The following APC variants were observed in gnomAD, a reference collection of about 807,000 sequenced individuals.
The protein encoded by APC is APC regulator of Wnt signaling pathway.
A neutral mutation model predicts 247.0 loss-of-function variants in APC; 72 were observed. The observed-to-expected ratio is 0.29, with a 90% confidence interval of 0.24 to 0.35. The LOEUF is 0.35. Among genes scored for constraint, APC ranks in the 10% least tolerant of loss-of-function variants. The pLI is 1.00. For missense variants in APC, 3,400 were observed against 3,360.7 expected (o/e 1.01, Z -0.29); for synonymous variants, 1,254 against 1,162.5 (o/e 1.08, Z -1.60).
In APC at chr5:112,841,410, ACATAC is replaced by A; in HGVS notation, c.5819_5823del (p.Ile1940ArgfsTer7). The A allele has an allele frequency of 6.2e-7, 1 of 1,613,994 alleles. No homozygotes were observed. Among genetic ancestry groups the A allele is most frequent in the Non-Finnish European group, 8.5e-7 (1 of 1,179,866 alleles). ...TCCACTTTTCCCCAGTCATCCAAAG[ACATAC>A]CAGACAGAGGGGCAGCAACTGATGA... is the stretch of plus-strand genomic sequence containing the variant. On this transcript the variant is annotated frameshift_variant, in exon 16 of 16. Coordinates refer to ENST00000257430, the MANE Select transcript of APC (RefSeq NM_000038.6). LOFTEE classifies it high-confidence loss of function. The surrounding 1 kb of genome is among the most constrained non-coding windows in gnomAD (Gnocchi z 4.6).
intron 8 of APC, 131 bp downstream of exon 8, chr5:112,801,514 T>C (rs1160928897): frequency 1.6e-6 from 1 of 644,288 alleles, no homozygotes; most frequent in Non-Finnish European, 2.7e-6. Context: ...TCCAGAAGCA[T>C]TCAGTACCAA....
chr5:112,741,423 A>G (rs1753003156), intron 1 of APC, among the ~76,000 whole-genome samples: 1 of 152,184 alleles, frequency 6.6e-6, no homozygotes, highest in Admixed American at 6.5e-5. Context: ...GTGAATAGGT[A>G]TGTTCTCAAA....
intron 1 of APC, among the ~76,000 whole-genome samples, chr5:112,746,953 A>G (rs201203370): frequency 5.1e-5 from 3 of 59,380 alleles, no homozygotes; most frequent in Admixed American, 3.3e-4. Flanking sequence ...CACAAGGGTT[A>G]TGAGTTAAAT....
intron 1 of APC, among the ~76,000 whole-genome samples, chr5:112,752,290 T>C (rs1754473659): frequency 6.6e-6 from 1 of 152,192 alleles, no homozygotes; most frequent in African/African-American, 2.4e-5. Flanking sequence ...AAAGAAGTGA[T>C]CTCAAACTTC....
chr5:112,818,730 A>G (rs1172756878), intron 9 of APC, among the ~76,000 whole-genome samples: 3 of 151,800 alleles, frequency 2.0e-5, no homozygotes, highest in Non-Finnish European at 4.4e-5. Context: ...TTAATACTGT[A>G]TATTACCACT....
chr5:112,711,673 A>AT (rs980133668), intron 1 of APC, among the ~76,000 whole-genome samples: 1 of 152,176 alleles, frequency 6.6e-6, no homozygotes, highest in African/African-American at 2.4e-5. Flanking sequence ...GTGAGCTATG[A>AT]TTGGGCCACT....
Position 112,785,158 on chromosome 5 carries a change from C to G in APC, c.645+4255C>G, listed in dbSNP as rs935227951. ...ATCACTATTATTTAACTTTGTTTGA[C>G]AGGCTTGACTAATGCAAGTAGAAAA... is the stretch of plus-strand genomic sequence containing the variant. On this transcript the variant is annotated intron_variant, in intron 6 of 15. Transcript: ENST00000257430. 7.9e-5 allele frequency among the ~76,000 whole-genome samples: 12 copies of G among 152,254 alleles called. No homozygotes were observed. In the South Asian group the frequency reaches 1.7e-3, roughly 21 times the overall value.
At chr5:112,707,927 C>G (rs1165667801) in intron 1 of APC, 1 of 1,315,812 alleles carries the variant, frequency 7.6e-7, no homozygotes, top group Non-Finnish European at 9.9e-7. Context: ...GGCAAAGCTT[C>G]CTCGGCTTTG....
chr5:112,747,214 A>G (rs868821613), intron 1 of APC, among the ~76,000 whole-genome samples: 3 of 147,896 alleles, frequency 2.0e-5, no homozygotes, highest in South Asian at 4.4e-4. Flanking sequence ...GATGTGAAAG[A>G]TACAGAGGCA....
intron 1 of APC, among the ~76,000 whole-genome samples, chr5:112,747,012 T>C (rs951941074): frequency 2.6e-5 from 4 of 152,214 alleles, no homozygotes; most frequent in African/African-American, 9.7e-5. Flanking sequence ...TTTCTTTCTT[T>C]CTTTTATTAA....
chr5:112,756,356 C>T (rs879694086), intron 2 of APC, among the ~76,000 whole-genome samples: 12 of 151,464 alleles, frequency 7.9e-5, no homozygotes, highest in Middle Eastern at 6.8e-3. Context: ...ATAAGGTAGA[C>T]TATAAACAAA....
At chr5:112,721,879 A>C (rs1456015213) in intron 1 of APC, among the ~76,000 whole-genome samples, 1 of 152,200 alleles carries the variant, frequency 6.6e-6, no homozygotes, top group Non-Finnish European at 1.5e-5. Flanking sequence ...TGAGCTTGAA[A>C]AAAAATTGCA....
chr5:112,711,588 C>G (rs1750852012), intron 1 of APC, among the ~76,000 whole-genome samples: 1 of 152,186 alleles, frequency 6.6e-6, no homozygotes, highest in Non-Finnish European at 1.5e-5. Context: ...GCCATGGTGT[C>G]TCACACCTGT....
Position 112,819,182 on chromosome 5 carries a change from A to G in APC, c.1150A>G (p.Ser384Gly), listed in dbSNP as rs1561541528. The change falls in exon 10 of 16, where the codon AGT becomes GGT. Residue 384 changes from serine (S) to glycine (G), a missense_variant. Physicochemically the swap from Ser to Gly is moderately conservative, Grantham distance 56. Transcript: ENST00000257430. ...RGSKEARARA[S>G]AALHNIIHSQ... The stretch of plus-strand genomic sequence containing the variant: ...CAGTAAAGAGGCTCGGGCCAGGGCC[A>G]GTGCAGCACTCCACAACATCATTCA... 1 of 1,614,048 alleles carries G rather than the reference A, an allele frequency of 6.2e-7. No homozygotes were observed. The highest frequency in any genetic ancestry group is 8.5e-7 in the Non-Finnish European group (1 of 1,179,992).
chr5:112,822,883 G>C (rs1763286986), intron 11 of APC, among the ~76,000 whole-genome samples: 1 of 152,176 alleles, frequency 6.6e-6, no homozygotes, highest in Non-Finnish European at 1.5e-5. Context: ...CTCTTACACA[G>C]AGAACCTGAA....
rs545888647 is a variant in APC, at chr5:112,760,968, C to A, written c.136-5358C>A. 4.5e-3 allele frequency among the ~76,000 whole-genome samples: 685 copies of A among 152,268 alleles called. 17 individuals carry two copies. Among genetic ancestry groups the A allele is most frequent in the Admixed American group, 0.039 (596 of 15,286 alleles). ...GGGACTACAGGCACCTGCCACCATG[C>A]CTGGCTAATTTTTTGTATTTTTAGT... is the stretch of plus-strand genomic sequence containing the variant. On this transcript the variant is annotated intron_variant, in intron 2 of 15. Coordinates refer to ENST00000257430, the MANE Select transcript of APC (RefSeq NM_000038.6).
Position 112,840,779 on chromosome 5 carries a change from A to C in APC, c.5185A>C (p.Asn1729His), listed in dbSNP as rs1765870913. 2 of 1,613,400 alleles carry C rather than the reference A, an allele frequency of 1.2e-6. No homozygotes were observed. ...EEGDILAECINSAMPKGKSHK... is the reference protein window; with the variant it reads ...EEGDILAECIHSAMPKGKSHK... The stretch of plus-strand genomic sequence containing the variant: ...AGGTGATATTCTTGCAGAATGCATT[A>C]ATTCTGCTATGCCCAAAGGGAAAAG... The change falls in exon 16 of 16, where the codon AAT (asparagine) becomes CAT (histidine). Residue 1729 changes from asparagine (N) to histidine (H), a missense_variant. Coordinates refer to ENST00000257430, the MANE Select transcript of APC (RefSeq NM_000038.6). The surrounding 1 kb of genome is among the most constrained non-coding windows in gnomAD (Gnocchi z 4.1).
At position 112,841,910 on chromosome 5, in the gene APC, G is replaced by A. The variant is rs886059796; in HGVS notation, c.6316G>A (p.Glu2106Lys). The change falls in exon 16 of 16, where the codon GAA (glutamate) becomes AAA (lysine). Residue 2106 changes from glutamate to lysine, a missense_variant. Physicochemically the swap from Glu to Lys is moderately conservative, Grantham distance 56. Coordinates refer to ENST00000257430, the MANE Select transcript of APC (RefSeq NM_000038.6). This position sits in a 1 kb window ranked among gnomAD's most constrained non-coding sequence, Gnocchi z 4.6. ...SENFDWKAIQ[E>K]GANSIVSSLH... ...AAATTTTGATTGGAAAGCTATTCAG[G>A]AAGGTGCAAATTCCATAGTAAGTAG... 3.7e-6 allele frequency: 6 copies of A among 1,613,936 alleles called. No homozygotes were observed. The highest frequency in any genetic ancestry group is 5.1e-6 in the Non-Finnish European group (6 of 1,179,950).
intron 13 of APC, among the ~76,000 whole-genome samples, 165 bp from the exon 14 acceptor site, chr5:112,828,691 C>T (rs1763984803): frequency 6.6e-6 from 1 of 152,194 alleles, no homozygotes. Context: ...TCAGGAGATC[C>T]TCCTGCCTCA....
Sources: allele counts gnomAD v4.1 joint callset (sites outside exome capture counted in the v4.1 genomes callset), GRCh38; gene constraint gnomAD v4.1.1; non-coding constraint Gnocchi (gnomAD v3.1); transcripts MANE v1.5; gene names NCBI Gene and HGNC (gene_info 2026-07-23, HGNC 2026-07-21).